Variants in FOXK1 observed in about 807,000 individuals in gnomAD.
FOXK1 encodes forkhead box K1, also known as forkhead box protein K1.
FOXK1 carries 19 observed loss-of-function variants against 51.9 expected under a neutral mutation model. That is an observed-to-expected ratio of 0.37 (90% CI 0.26 to 0.54). FOXK1 has a LOEUF of 0.54. FOXK1 is among the 20% of genes least tolerant of loss of function. The pLI is 0.87. For missense variants in FOXK1, 870 were observed against 1,032.7 expected, an observed-to-expected ratio of 0.84 and a Z score of 2.16; for synonymous variants, 537 against 482.6, an observed-to-expected ratio of 1.11 and a Z score of -1.48.
At chr7:4,701,175 C>T (rs1020900343) in intron 1 of FOXK1, among the ~76,000 whole-genome samples, 4 of 152,150 alleles carry the variant, frequency 2.6e-5, no homozygotes, top group African/African-American at 7.2e-5. Flanking sequence ...GAAGGCTGCA[C>T]GATCAGAGCT....
At chr7:4,696,269 AGGGACAAGCTTGCTGATGTAG>A (rs1440195847) in intron 1 of FOXK1, among the ~76,000 whole-genome samples, 1 of 152,088 alleles carries the variant, frequency 6.6e-6, no homozygotes, top group Non-Finnish European at 1.5e-5. Context: ...AATAAAGAAG[AGGGACAAGCTTGCTGATGTAG>A]GGGAAATAAA....
intron 2 of FOXK1, among the ~76,000 whole-genome samples, chr7:4,744,376 C>T (rs999340963): frequency 2.6e-5 from 4 of 152,146 alleles, no homozygotes; most frequent in African/African-American, 4.8e-5. Context: ...CCGCGTACCC[C>T]GTAGGTCATC....
chr7:4,740,384 C>G lies in FOXK1; in HGVS notation c.561-454C>G, dbSNP rs540269483. Among the ~76,000 whole-genome samples, 14 of 150,380 alleles carry G rather than the reference C, an allele frequency of 9.3e-5. No homozygotes were observed. In the South Asian group the frequency reaches 2.7e-3, roughly 29 times the overall value. On this transcript the variant is annotated intron_variant, in intron 1 of 8. Transcript: ENST00000328914. ...GGCGGAGCTTGCAGTGAGCTGAGATCGTGTCCCTGCACTCCAGCCTGGGCG... is the reference window on the plus strand; with the variant it reads ...GGCGGAGCTTGCAGTGAGCTGAGATGGTGTCCCTGCACTCCAGCCTGGGCG...
intron 1 of FOXK1, among the ~76,000 whole-genome samples, chr7:4,739,469 G>T (rs1780602807): frequency 6.6e-6 from 1 of 152,202 alleles, no homozygotes; most frequent in African/African-American, 2.4e-5. Context: ...GATAGTTGCT[G>T]CCTCATCAGT....
At chr7:4,759,745 G>A in intron 7 of FOXK1, 150 bp downstream of exon 7, 1 of 983,316 alleles carries the variant, frequency 1.0e-6, no homozygotes, top group Middle Eastern at 3.4e-4. Flanking sequence ...CTTTAAATCA[G>A]CATGAGCTGG....
At position 4,707,553 on chromosome 7, in the gene FOXK1, A is replaced by G. The variant is rs975520939; in HGVS notation, c.560+24685A>G. Among the ~76,000 whole-genome samples the G allele has an allele frequency of 2.0e-5, 3 of 152,090 alleles. No homozygotes were observed. Among genetic ancestry groups the G allele is most frequent in the Non-Finnish European group, 4.4e-5 (3 of 68,012 alleles). On this transcript the variant is annotated intron_variant, in intron 1 of 8. Transcript: ENST00000328914. This position sits in a 1 kb window ranked among gnomAD's most constrained non-coding sequence, Gnocchi z 4.1. ...GCAGCAGCGAGAGGGTGGGTGTGGG[A>G]GTCGGTGAATTGTCTCTTACGCCTT...
At position 4,754,418 on chromosome 7, in the gene FOXK1, C is replaced by G. The variant is rs368439589; in HGVS notation, c.747-41C>G. 9 of 1,600,588 alleles carry G rather than the reference C, an allele frequency of 5.6e-6. No individual in the cohort carries two copies. The Admixed American group carries it at 6.7e-5, about 12-fold the overall frequency. On this transcript the variant is annotated intron_variant, in intron 2 of 8. Coordinates refer to ENST00000328914, the MANE Select transcript of FOXK1 (RefSeq NM_001037165.2). ...GCCCTGAGCCCCACAGGGGCCCCCT[C>G]TTCAGAGCCATGAACTTACAGTGTC...
At position 4,722,444 on chromosome 7, in the gene FOXK1, C is replaced by A. The variant is rs1387863187; in HGVS notation, c.561-18394C>A. Among the ~76,000 whole-genome samples, 3 of 152,206 alleles carry A rather than the reference C, an allele frequency of 2.0e-5. No homozygotes were observed. Among genetic ancestry groups the A allele is most frequent in the African/African-American group, 7.2e-5 (3 of 41,460 alleles). On this transcript the variant is annotated intron_variant, in intron 1 of 8. Transcript: ENST00000328914. This position sits in a 1 kb window ranked among gnomAD's most constrained non-coding sequence, Gnocchi z 5.1. ...ATCCTGGCCAGAGGAGGTCCCGTGG[C>A]CAAGTGGCAGCGGTGCCGGACATAC...
intron 1 of FOXK1, among the ~76,000 whole-genome samples, chr7:4,728,745 A>AAG (rs1780412811): frequency 6.7e-6 from 1 of 150,304 alleles, no homozygotes. Context: ...AAAAAAAAAA[A>AAG]AAAAAAGAAA....
In FOXK1 at chr7:4,769,061, C is replaced by A. The variant is rs3750018; in HGVS notation, c.*6597C>A. 1 of 152,040 alleles carries A rather than the reference C, an allele frequency of 6.6e-6. No individual in the cohort carries two copies. Among genetic ancestry groups the A allele is most frequent in the Non-Finnish European group, 1.5e-5 (1 of 68,030 alleles). The allele number at this position is 152,040 out of a possible 1,614,324, so 9.4% of individuals were successfully genotyped here. A position where few individuals can be genotyped will look rare whatever the true frequency, so the allele number is the denominator to read the frequency against. On this transcript the variant is annotated 3_prime_UTR_variant, in exon 9 of 9. Coordinates refer to ENST00000328914, the MANE Select transcript of FOXK1 (RefSeq NM_001037165.2). The surrounding 1 kb of genome is among the most constrained non-coding windows in gnomAD (Gnocchi z 4.1). ...AGGCTTTGGAAATTTTTTGTTTCTT[C>A]TACTCATCCTAATGGCTGGTTTTGG...
chr7:4,697,442 C>A (rs1017917995), intron 1 of FOXK1, among the ~76,000 whole-genome samples: 2 of 152,160 alleles, frequency 1.3e-5, no homozygotes, highest in African/African-American at 2.4e-5. Context: ...TGGAACACAC[C>A]AGGCACATTT....
intron 1 of FOXK1, among the ~76,000 whole-genome samples, chr7:4,716,001 G>A (rs1168191923): frequency 2.0e-5 from 3 of 152,168 alleles, no homozygotes; most frequent in Non-Finnish European, 1.5e-5. Flanking sequence ...GGAGGCCAAG[G>A]TGGGCAGATC....
At position 4,756,635 on chromosome 7, in the gene FOXK1, C is replaced by G. The variant is rs899976622; in HGVS notation, c.1051-359C>G. ...AAAAAATCAACCCAGCATGGTGGCC[C>G]ACGCCCATAGTCCCAGCTAGTCAGG... On this transcript the variant is annotated intron_variant, in intron 4 of 8. Coordinates refer to ENST00000328914, the MANE Select transcript of FOXK1 (RefSeq NM_001037165.2). This position sits in a 1 kb window ranked among gnomAD's most constrained non-coding sequence, Gnocchi z 4.1. Among the ~76,000 whole-genome samples the G allele has an allele frequency of 1.3e-5, 2 of 151,804 alleles. No individual in the cohort carries two copies. The highest frequency in any genetic ancestry group is 4.8e-5 in the African/African-American group (2 of 41,366).
Position 4,743,899 on chromosome 7 carries a change from C to T in FOXK1, c.746+2876C>T, listed in dbSNP as rs760482676. 4.0e-5 allele frequency among the ~76,000 whole-genome samples: 6 copies of T among 148,246 alleles called. No homozygotes were observed. The highest frequency in any genetic ancestry group is 2.1e-4 in the South Asian group (1 of 4,688). On this transcript the variant is annotated intron_variant, in intron 2 of 8. Coordinates refer to ENST00000328914, the MANE Select transcript of FOXK1 (RefSeq NM_001037165.2). The surrounding 1 kb of genome is among the most constrained non-coding windows in gnomAD (Gnocchi z 5.3). ...AGAAGCTTTTTTTTTTTTTTTGAGA[C>T]GGAGTCTTGCTCTGTCGCCCAGGCT...
Position 4,768,065 on chromosome 7 carries a change from C to A in FOXK1, c.*5601C>A, listed in dbSNP as rs1015834999. 5 of 151,158 alleles carry A rather than the reference C, an allele frequency of 3.3e-5. No homozygotes were observed. The highest frequency in any genetic ancestry group is 9.7e-5 in the African/African-American group (4 of 41,130). 9.4% of individuals were successfully genotyped at this position (151,158 alleles called of 1,614,324 possible). ...GAAGAATGGGATTTTGGGGATACAACCACACACATTTCCCTCTGGACTGAA... is the reference window on the plus strand; with the variant it reads ...GAAGAATGGGATTTTGGGGATACAAACACACACATTTCCCTCTGGACTGAA... On this transcript the variant is annotated 3_prime_UTR_variant, in exon 9 of 9. Transcript: ENST00000328914.
chr7:4,737,285 T>A (rs1205721090), intron 1 of FOXK1, among the ~76,000 whole-genome samples: 2 of 152,148 alleles, frequency 1.3e-5, no homozygotes, highest in Non-Finnish European at 2.9e-5. Context: ...TTCTGACAAA[T>A]AGGAGAACAT....
At chr7:4,757,778 G>A (rs989049087) in intron 5 of FOXK1, among the ~76,000 whole-genome samples, 1 of 152,004 alleles carries the variant, frequency 6.6e-6, no homozygotes, top group East Asian at 1.9e-4. Context: ...ATGTGCACAG[G>A]TTGTATGCAA....
chr7:4,725,130 G>A (rs932117103), intron 1 of FOXK1, among the ~76,000 whole-genome samples: 1 of 152,254 alleles, frequency 6.6e-6, no homozygotes, highest in South Asian at 2.1e-4. Flanking sequence ...CCACTGTGCT[G>A]TGCTCTCTCG....
At chr7:4,695,720 T>G (rs981630560) in intron 1 of FOXK1, among the ~76,000 whole-genome samples, 2 of 152,082 alleles carry the variant, frequency 1.3e-5, no homozygotes, top group African/African-American at 4.8e-5. Flanking sequence ...GAGGATCACC[T>G]GAGGTCGGGA....
Sources: gnomAD v4.1 joint callset for allele counts (sites outside exome capture counted in the v4.1 genomes callset) on GRCh38, gnomAD v4.1.1 for gene constraint, Gnocchi (gnomAD v3.1) non-coding constraint, MANE v1.5 for transcripts, NCBI Gene and HGNC (gene_info 2026-07-23, HGNC 2026-07-21) for gene names.